Variants in PRMT3 observed in about 807,000 individuals in gnomAD.
The protein encoded by PRMT3 is protein arginine N-methyltransferase 3.
In PRMT3, 62 loss-of-function variants were observed where a neutral mutation model predicts 71.9. That is an observed-to-expected ratio of 0.86 (90% confidence interval 0.70 to 1.07). The LOEUF (loss-of-function observed/expected upper bound fraction) is 1.07. Among genes scored for constraint, PRMT3 ranks in the 50% least tolerant of loss-of-function variants. PRMT3 has a pLI of 0.00. For synonymous variants in PRMT3, 213 were observed against 220.4 expected, an observed-to-expected ratio of 0.97 and a Z score of 0.30; for missense variants, 663 against 643.0, an observed-to-expected ratio of 1.03 and a Z score of -0.34.
chr11:20,463,638 A>T (rs533180118), intron 12 of PRMT3, among the ~76,000 whole-genome samples: 35 of 152,234 alleles, frequency 2.3e-4, no homozygotes, highest in African/African-American at 7.7e-4. Context: ...TCCTCCCACA[A>T]ACACATTGTA....
rs202158173 is a variant in PRMT3, at chr11:20,481,779, AT to A, written c.1348-12137del. Among the ~76,000 whole-genome samples the A allele has an allele frequency of 3.9e-4, 59 of 152,150 alleles. No individual in the cohort carries two copies. In the East Asian group the frequency reaches 9.6e-3, roughly 25 times the overall value. ...TGCATTGCTCTCCAAATTTACTTCC[AT>A]TTGACTTCATTTTATCCTTCATTTT... is the stretch of plus-strand genomic sequence containing the variant. On this transcript the variant is annotated intron_variant, in intron 13 of 15. Coordinates refer to ENST00000331079, the MANE Select transcript of PRMT3 (RefSeq NM_005788.4).
Position 20,470,238 on chromosome 11 carries a change from A to G in PRMT3, c.1347+5692A>G, listed in dbSNP as rs868732985. On this transcript the variant is annotated intron_variant, in intron 13 of 15. Coordinates refer to ENST00000331079, the MANE Select transcript of PRMT3 (RefSeq NM_005788.4). ...GGTACAGTAAAAATATGGTATTACA[A>G]TTTTTTCTTCACCTTTTCAGTTCTG... Among the ~76,000 whole-genome samples the G allele has an allele frequency of 3.3e-5, 5 of 152,162 alleles. No homozygotes were observed. The South Asian group carries it at 8.3e-4, about 25-fold the overall frequency.
intron 13 of PRMT3, among the ~76,000 whole-genome samples, chr11:20,483,146 C>G (rs912747459): frequency 6.6e-6 from 1 of 151,980 alleles, no homozygotes; most frequent in Non-Finnish European, 1.5e-5. Context: ...GTTGTAAAGA[C>G]AAGTAGCATT....
rs200625358 is a variant in PRMT3, at chr11:20,473,947, A to C, written c.1347+9401A>C. On this transcript the variant is annotated intron_variant, in intron 13 of 15. Coordinates refer to ENST00000331079, the MANE Select transcript of PRMT3 (RefSeq NM_005788.4). Reference sequence around the variant, plus strand: ...ATTGATGTTGTTTTCGGTTTTTAACAGTAGGTCCATTCCAGACCCTAGTTG... The same window carrying C: ...ATTGATGTTGTTTTCGGTTTTTAACCGTAGGTCCATTCCAGACCCTAGTTG... Among the ~76,000 whole-genome samples, 5 of 152,204 alleles carry C rather than the reference A, an allele frequency of 3.3e-5. No homozygotes were observed. In the East Asian group the frequency reaches 9.6e-4, roughly 29 times the overall value.
intron 10 of PRMT3, among the ~76,000 whole-genome samples, chr11:20,435,933 A>G (rs184620540): frequency 3.9e-5 from 6 of 152,324 alleles, no homozygotes; most frequent in Non-Finnish European, 8.8e-5. Context: ...CAACAGTATT[A>G]ATTCTTCCAA....
chr11:20,496,517 C>G (rs1156559439), intron 15 of PRMT3, among the ~76,000 whole-genome samples: 1 of 150,928 alleles, frequency 6.6e-6, no homozygotes, highest in African/African-American at 2.4e-5. Context: ...AACATGTAAG[C>G]AACCATACAT....
chr11:20,501,651 A>G (rs1851460315), intron 15 of PRMT3, among the ~76,000 whole-genome samples: 1 of 152,212 alleles, frequency 6.6e-6, no homozygotes, highest in South Asian at 2.1e-4. Flanking sequence ...TTTAGTGTCC[A>G]GAAGGTAATA....
At position 20,433,680 on chromosome 11, in the gene PRMT3, G is replaced by A. The variant is rs61876965; in HGVS notation, c.993+6815G>A. Among the ~76,000 whole-genome samples, 1,185 of 152,054 alleles carry A rather than the reference G, an allele frequency of 7.8e-3. 9 individuals carry two copies. Among genetic ancestry groups the A allele is most frequent in the Non-Finnish European group, 0.012 (844 of 67,990 alleles). ...CTGTCTCCCAGGCTGGAGTGCAGTG[G>A]TGCAGTCTTGTCTCACTGCAACCTC... On this transcript the variant is annotated intron_variant, in intron 10 of 15. Coordinates refer to ENST00000331079, the MANE Select transcript of PRMT3 (RefSeq NM_005788.4).
chr11:20,411,291 T>C (rs1019362743), intron 9 of PRMT3, among the ~76,000 whole-genome samples: 1 of 152,096 alleles, frequency 6.6e-6, no homozygotes, highest in African/African-American at 2.4e-5. Flanking sequence ...GTCTTTTCTG[T>C]GTGTATTTTT....
At chr11:20,409,059 C>T (rs11025554) in intron 9 of PRMT3, among the ~76,000 whole-genome samples, 7,336 of 152,082 alleles carry the variant, frequency 0.048, 278 homozygotes, top group East Asian at 0.2. Context: ...ATCATGCCAC[C>T]GCACTCCAGC....
At chr11:20,390,144 C>G (rs1329366312) in intron 3 of PRMT3, among the ~76,000 whole-genome samples, 4 of 54,960 alleles carry the variant, frequency 7.3e-5, no homozygotes, top group African/African-American at 1.5e-4. Context: ...GAGTGAGACT[C>G]TTCTCAAAAA....
At chr11:20,443,869 T>A (rs1230865106) in intron 10 of PRMT3, among the ~76,000 whole-genome samples, 1 of 152,142 alleles carries the variant, frequency 6.6e-6, no homozygotes, top group African/African-American at 2.4e-5. Flanking sequence ...GCAGAGGAAA[T>A]TATTTCTTGT....
At chr11:20,430,704 C>T (rs1235787082) in intron 10 of PRMT3, among the ~76,000 whole-genome samples, 2 of 152,010 alleles carry the variant, frequency 1.3e-5, no homozygotes, top group African/African-American at 2.4e-5. Flanking sequence ...ACATACTTAC[C>T]TGTCTTTCTG....
At chr11:20,437,456 A>G (rs762930435) in intron 10 of PRMT3, among the ~76,000 whole-genome samples, 1 of 152,148 alleles carries the variant, frequency 6.6e-6, no homozygotes, top group Non-Finnish European at 1.5e-5. Context: ...TGGTGTGGTG[A>G]GTATGTTTCC....
chr11:20,391,150 A>G (rs975124526), intron 3 of PRMT3, among the ~76,000 whole-genome samples: 2 of 152,378 alleles, frequency 1.3e-5, no homozygotes, highest in Non-Finnish European at 2.9e-5. Flanking sequence ...TTTCAGTGTC[A>G]GATAAATACG....
At chr11:20,442,001 G>T (rs376071621) in intron 10 of PRMT3, among the ~76,000 whole-genome samples, 29 of 151,924 alleles carry the variant, frequency 1.9e-4, no homozygotes, top group Admixed American at 5.9e-4. Context: ...CCATGTTGGC[G>T]GGGCTGGTCT....
chr11:20,432,085 T>G (rs923200488), intron 10 of PRMT3, among the ~76,000 whole-genome samples: 28 of 152,092 alleles, frequency 1.8e-4, no homozygotes, highest in African/African-American at 6.8e-4. Flanking sequence ...ATATTTTTGT[T>G]CTTGTCTGTG....
chr11:20,500,661 G>A (rs766459489), intron 15 of PRMT3, among the ~76,000 whole-genome samples: 48 of 152,114 alleles, frequency 3.2e-4, no homozygotes, highest in Non-Finnish European at 7.4e-5. Flanking sequence ...AATGGTGCTA[G>A]AACAAGTAAA....
intron 13 of PRMT3, among the ~76,000 whole-genome samples, chr11:20,489,638 A>C (rs554795890): frequency 1.3e-5 from 2 of 152,278 alleles, no homozygotes; most frequent in African/African-American, 4.8e-5. Context: ...TTTCCTGACA[A>C]AATAAGTCAT....
Sources: gnomAD v4.1 joint callset for allele counts (sites outside exome capture counted in the v4.1 genomes callset) on GRCh38, gnomAD v4.1.1 for gene constraint, MANE v1.5 for transcripts, NCBI Gene and HGNC (gene_info 2026-07-23, HGNC 2026-07-21) for gene names.